Variants in CHAT observed in about 807,000 individuals in gnomAD.
CHAT encodes the protein choline O-acetyltransferase, also known as acetyl CoA:choline O-acetyltransferase.
In CHAT, 61 loss-of-function variants were observed where a neutral mutation model predicts 76.9. That is an observed-to-expected ratio of 0.79 (90% confidence interval 0.65 to 0.98). The LOEUF is 0.98. CHAT is among the 50% of genes least tolerant of loss of function. The pLI, the probability that CHAT is intolerant of heterozygous loss-of-function variation, is 0.00. For missense variants in CHAT, 946 were observed against 986.9 expected, an observed-to-expected ratio of 0.96 and a Z score of 0.56; for synonymous variants, 407 against 397.4, an observed-to-expected ratio of 1.02 and a Z score of -0.29.
chr10:49,618,696 A>C (rs547597901), intron 2 of CHAT, among the ~76,000 whole-genome samples: 7 of 152,334 alleles, frequency 4.6e-5, no homozygotes, highest in Admixed American at 4.6e-4. Context: ...TTCTGTGGTG[A>C]ACGCTGCTGG....
At chr10:49,631,135 C>T (rs752012145) in intron 7 of CHAT, among the ~76,000 whole-genome samples, 15 of 152,168 alleles carry the variant, frequency 9.9e-5, no homozygotes, top group Non-Finnish European at 7.3e-5. Flanking sequence ...TGGCCAAGAA[C>T]GGTCATGCTG....
chr10:49,631,606 G>A (rs531554056), intron 7 of CHAT, among the ~76,000 whole-genome samples: 1 of 152,342 alleles, frequency 6.6e-6, no homozygotes, highest in South Asian at 2.1e-4. Context: ...GAGGGGTTTG[G>A]CCGTCTCAGT....
chr10:49,666,792 C>T lies in CHAT; in HGVS notation c.*1746C>T, dbSNP rs987776475. Among the ~76,000 whole-genome samples the T allele has an allele frequency of 2.0e-5, 3 of 152,222 alleles. No homozygotes were observed. Among genetic ancestry groups the T allele is most frequent in the Admixed American group, 6.5e-5 (1 of 15,284 alleles). ...TGAGATTTATGCTCCTTCCCTCCCACGGCCACCTTCCTACTCTGCTTAGGA... is the reference window on the plus strand; with the variant it reads ...TGAGATTTATGCTCCTTCCCTCCCATGGCCACCTTCCTACTCTGCTTAGGA... On this transcript the variant is annotated 3_prime_UTR_variant, in exon 15 of 15. Coordinates refer to ENST00000337653, the MANE Select transcript of CHAT (RefSeq NM_020549.5).
intron 2 of CHAT, 100 bp from the exon 3 acceptor site, chr10:49,619,625 C>A: frequency 1.7e-6 from 2 of 1,201,936 alleles, no homozygotes; most frequent in Non-Finnish European, 2.4e-6. Context: ...GGGTAGAGAA[C>A]AACACAGGGG....
chr10:49,631,255 T>G (rs1273245302), intron 7 of CHAT, among the ~76,000 whole-genome samples: 1 of 152,216 alleles, frequency 6.6e-6, no homozygotes, highest in Non-Finnish European at 1.5e-5. Flanking sequence ...AACAGACACC[T>G]GCTATCTTAC....
chr10:49,643,145 C>T (rs1419916409), intron 7 of CHAT, among the ~76,000 whole-genome samples: 1 of 152,224 alleles, frequency 6.6e-6, no homozygotes, highest in Non-Finnish European at 1.5e-5. Flanking sequence ...TGAGGCATGA[C>T]AATGATACCT....
chr10:49,615,162 GGA>G (rs1375238773), intron 1 of CHAT, among the ~76,000 whole-genome samples: 11 of 152,074 alleles, frequency 7.2e-5, no homozygotes, highest in African/African-American at 2.7e-4. Flanking sequence ...CGAATGGGGG[GGA>G]GGGGGGGGCT....
intron 13 of CHAT, among the ~76,000 whole-genome samples, chr10:49,659,306 T>C (rs1371539578): frequency 6.6e-6 from 1 of 152,178 alleles, no homozygotes; most frequent in African/African-American, 2.4e-5. Flanking sequence ...ATTTTACTTA[T>C]TAAGCACCAT....
intron 7 of CHAT, among the ~76,000 whole-genome samples, chr10:49,646,000 GTGAAATTGCCTAATTT>G (rs1449813933): frequency 6.6e-6 from 1 of 152,214 alleles, no homozygotes; most frequent in African/African-American, 2.4e-5. Flanking sequence ...AGGTTTTAAT[GTGAAATTGCCTAATTT>G]TGAAATTGCA....
chr10:49,620,746 T>C lies in CHAT; in HGVS notation c.698+133T>C, dbSNP rs1838677127. On this transcript the variant is annotated intron_variant, in intron 4 of 14. Transcript: ENST00000337653. Reference sequence around the variant, plus strand: ...CCTGGGGTCAAATGCCCCGAGACAGTGGACGTCCAGGCCATCAGGTGGGGA... The same window carrying C: ...CCTGGGGTCAAATGCCCCGAGACAGCGGACGTCCAGGCCATCAGGTGGGGA... 8.1e-6 allele frequency: 6 copies of C among 737,080 alleles called. No individual in the cohort carries two copies. The African/African-American group carries it at 8.6e-5, about 11-fold the overall frequency. 45.7% of individuals were successfully genotyped at this position (737,080 alleles called of 1,614,324 possible).
chr10:49,651,687 G>T (rs1839883655), intron 10 of CHAT, 197 bp from the exon 11 acceptor site: 1 of 581,358 alleles, frequency 1.7e-6, no homozygotes, highest in East Asian at 3.1e-5. Flanking sequence ...TAGTAGTCCT[G>T]GCCTGGTTTG....
chr10:49,656,057 T>C (rs1453998559), intron 13 of CHAT, among the ~76,000 whole-genome samples: 1 of 152,190 alleles, frequency 6.6e-6, no homozygotes, highest in African/African-American at 2.4e-5. Context: ...AATACCTGCA[T>C]TGCAAGTCAT....
At position 49,665,894 on chromosome 10, in the gene CHAT, A is replaced by G. The variant is rs753180291; in HGVS notation, c.*848A>G. The stretch of plus-strand genomic sequence containing the variant: ...CCTGGCCCCTTCCCGGGGTCCTGCC[A>G]TTTGCATTTTTTCTGCATCTTTTCC... On this transcript the variant is annotated 3_prime_UTR_variant, in exon 15 of 15. Coordinates refer to ENST00000337653, the MANE Select transcript of CHAT (RefSeq NM_020549.5). Among the ~76,000 whole-genome samples, 5 of 152,170 alleles carry G rather than the reference A, an allele frequency of 3.3e-5. No homozygotes were observed. The highest frequency in any genetic ancestry group is 6.5e-5 in the Admixed American group (1 of 15,296).
At chr10:49,658,013 C>T (rs535821774) in intron 13 of CHAT, among the ~76,000 whole-genome samples, 105 of 152,276 alleles carry the variant, frequency 6.9e-4, no homozygotes, top group African/African-American at 2.2e-3. Context: ...ATAGATCCTC[C>T]GACATTGAGG....
At chr10:49,652,069 A>G in intron 11 of CHAT, 63 bp downstream of exon 11, 1 of 1,608,702 alleles carries the variant, frequency 6.2e-7, no homozygotes, top group Non-Finnish European at 8.5e-7. Flanking sequence ...TGTAGGATCT[A>G]GGGTCTAGAA....
intron 11 of CHAT, among the ~76,000 whole-genome samples, chr10:49,654,887 T>C (rs182229007): frequency 3.3e-5 from 5 of 152,236 alleles, no homozygotes; most frequent in Non-Finnish European, 4.4e-5. Context: ...CCCGGGTGTA[T>C]ATAAGCAAAC....
At chr10:49,627,060 A>C (rs565541337) in intron 6 of CHAT, among the ~76,000 whole-genome samples, 2 of 151,882 alleles carry the variant, frequency 1.3e-5, no homozygotes, top group East Asian at 3.9e-4. Context: ...TTGCTAATTC[A>C]CTCTTTTCAA....
chr10:49,634,710 G>GTTTTGC (rs1554805104), intron 7 of CHAT, among the ~76,000 whole-genome samples: 5 of 151,928 alleles, frequency 3.3e-5, no homozygotes, highest in African/African-American at 9.7e-5. Context: ...GGTTTTTTTT[G>GTTTTGC]TTTTGTTTTT....
upstream of CHAT, chr10:49,610,235 C>G (rs1838253211): frequency 1.3e-5 from 2 of 152,448 alleles, no homozygotes; most frequent in South Asian, 4.1e-4. Flanking sequence ...GCCCGGGCAC[C>G]ACTCGGGGGC....
Sources: allele counts gnomAD v4.1 joint callset (sites outside exome capture counted in the v4.1 genomes callset), GRCh38; gene constraint gnomAD v4.1.1; transcripts MANE v1.5; gene names NCBI Gene and HGNC (gene_info 2026-07-23, HGNC 2026-07-21).